RGS17: variants seen among roughly 807,000 people sequenced by gnomAD.
RGS17 encodes regulator of G protein signaling 17, also known as regulator of G-protein signaling 17.
A neutral mutation model predicts 25.5 loss-of-function variants in RGS17; 12 were observed. The observed-to-expected ratio is 0.47, with a 90% confidence interval of 0.30 to 0.76. RGS17 has a LOEUF of 0.76. Among genes scored for constraint, RGS17 ranks in the 30% least tolerant of loss-of-function variants. The pLI is 0.07. For missense variants in RGS17, 196 were observed against 242.2 expected (o/e 0.81, Z 1.27); for synonymous variants, 71 against 76.9 (o/e 0.92, Z 0.40).
At chr6:153,071,664 C>T (rs540348071) in intron 1 of RGS17, among the ~76,000 whole-genome samples, 20 of 152,216 alleles carry the variant, frequency 1.3e-4, no homozygotes, top group African/African-American at 4.3e-4. Flanking sequence ...CAATTTCTGT[C>T]TTTGTTATTG....
chr6:153,065,450 T>G (rs1562324651), intron 1 of RGS17, among the ~76,000 whole-genome samples: 1 of 152,140 alleles, frequency 6.6e-6, no homozygotes, highest in African/African-American at 2.4e-5. Context: ...CCAAACAGAC[T>G]TAACAGATAT....
intron 1 of RGS17, among the ~76,000 whole-genome samples, chr6:153,055,257 G>GA (rs1238048765): frequency 1.3e-5 from 2 of 151,940 alleles, no homozygotes; most frequent in Admixed American, 1.3e-4. Flanking sequence ...ATACAGAAGG[G>GA]AAAAATCTGT....
Position 153,007,027 on chromosome 6 carries a change from A to G in RGS17, c.*4547T>C, listed in dbSNP as rs1228049719. The G allele has an allele frequency of 6.6e-6, 1 of 152,208 alleles. No homozygotes were observed. Among genetic ancestry groups the G allele is most frequent in the African/African-American group, 2.4e-5 (1 of 41,456 alleles). 9.4% of individuals were successfully genotyped at this position (152,208 alleles called of 1,614,324 possible). A position where few individuals can be genotyped will look rare whatever the true frequency, so the allele number is the denominator to read the frequency against. On this transcript the variant is annotated 3_prime_UTR_variant, in exon 5 of 5. Transcript: ENST00000206262. ...GGGACCTTCTATCACCTAGGGCAAC[A>G]TTTTGCCTTTTGTAGTGTTTTCAGT...
At chr6:153,087,700 G>C (rs896088033) in intron 1 of RGS17, among the ~76,000 whole-genome samples, 2 of 152,122 alleles carry the variant, frequency 1.3e-5, no homozygotes, top group East Asian at 3.9e-4. Context: ...GTGTGTAGGA[G>C]GCAGATAATG....
chr6:153,017,779 A>T (rs1249635715), intron 4 of RGS17, among the ~76,000 whole-genome samples: 1 of 152,090 alleles, frequency 6.6e-6, no homozygotes, highest in Non-Finnish European at 1.5e-5. Flanking sequence ...CTGTTACTGA[A>T]GTTGCTTTAT....
In RGS17 at chr6:153,028,878, G is replaced by A. The variant is rs193210086; in HGVS notation, c.120-2335C>T. ...TTCTACAGAAGGCAGTACACATGAC[G>A]CAGGTATACTTCATTTCATTAAACA... On this transcript the variant is annotated intron_variant, in intron 2 of 4. Coordinates refer to ENST00000206262, the MANE Select transcript of RGS17 (RefSeq NM_012419.5). Among the ~76,000 whole-genome samples, 194 of 152,200 alleles carry A rather than the reference G, an allele frequency of 1.3e-3. 2 individuals carry two copies. The highest frequency in any genetic ancestry group is 3.1e-3 in the Admixed American group (48 of 15,290).
At position 153,044,020 on chromosome 6, in the gene RGS17, TC is replaced by T; in HGVS notation, c.-3del. On this transcript the variant is annotated 5_prime_UTR_variant, in exon 2 of 5. Coordinates refer to ENST00000206262, the MANE Select transcript of RGS17 (RefSeq NM_012419.5). ...TTGGGACTGCTGCCTTTTTCGCATT[TC>T]AGCTACTTCAGGACCCAGTTGGCTG... 1 of 1,587,728 alleles carries T rather than the reference TC, an allele frequency of 6.3e-7. No individual in the cohort carries two copies. Among genetic ancestry groups the T allele is most frequent in the Non-Finnish European group, 8.6e-7 (1 of 1,157,330 alleles).
rs113040742 is a variant in RGS17, at chr6:153,005,456, C to T, written c.*6118G>A. The T allele has an allele frequency of 3.5e-4, 53 of 152,246 alleles. No homozygotes were observed. Among genetic ancestry groups the T allele is most frequent in the African/African-American group, 1.3e-3 (53 of 41,556 alleles). The allele number at this position is 152,246 out of a possible 1,614,324, so 9.4% of individuals were successfully genotyped here. On this transcript the variant is annotated 3_prime_UTR_variant, in exon 5 of 5. Transcript: ENST00000206262. Reference sequence around the variant, plus strand: ...ACCTTCAATATAATCTCTTTAAAAACGCATTACTTTACAGTGGAGAAATAT... The same window carrying T: ...ACCTTCAATATAATCTCTTTAAAAATGCATTACTTTACAGTGGAGAAATAT...
chr6:153,083,012 G>C (rs866594897), intron 1 of RGS17, among the ~76,000 whole-genome samples: 2 of 152,122 alleles, frequency 1.3e-5, no homozygotes, highest in African/African-American at 4.8e-5. Flanking sequence ...TCTGCCTACT[G>C]TAAGACCTGG....
chr6:153,095,093 G>A (rs1403739855), intron 1 of RGS17, among the ~76,000 whole-genome samples: 4 of 152,090 alleles, frequency 2.6e-5, no homozygotes, highest in African/African-American at 4.8e-5. Flanking sequence ...TTCTGAAAGA[G>A]TCATGTTTTT....
intron 2 of RGS17, among the ~76,000 whole-genome samples, chr6:153,042,423 T>C (rs1776333880): frequency 6.6e-6 from 1 of 152,210 alleles, no homozygotes; most frequent in Non-Finnish European, 1.5e-5. Flanking sequence ...TGACGAGATC[T>C]GATGGTTTTA....
chr6:153,015,521 C>T (rs960193254), intron 4 of RGS17, among the ~76,000 whole-genome samples: 1 of 152,152 alleles, frequency 6.6e-6, no homozygotes, highest in Non-Finnish European at 1.5e-5. Context: ...TTATGACTTT[C>T]TAAAAGCTCA....
chr6:153,026,693 A>G (rs1779306317), intron 2 of RGS17, 150 bp from the exon 3 acceptor site: 2 of 513,138 alleles, frequency 3.9e-6, no homozygotes, highest in East Asian at 3.1e-5. Flanking sequence ...CCATTTTTAA[A>G]TGATGGGCAA....
At chr6:153,058,309 T>C (rs1203917790) in intron 1 of RGS17, among the ~76,000 whole-genome samples, 2 of 152,182 alleles carry the variant, frequency 1.3e-5, no homozygotes, top group Non-Finnish European at 2.9e-5. Context: ...ATTTCACTTA[T>C]ATGGTGGGAT....
chr6:153,024,564 G>A (rs1304614262), intron 3 of RGS17, 68 bp from the exon 4 acceptor site: 13 of 1,130,928 alleles, frequency 1.1e-5, no homozygotes, highest in Non-Finnish European at 1.7e-5. Context: ...ACCAGGTAAG[G>A]AGAGGAGCAG....
chr6:153,074,497 A>G (rs1399476579), intron 1 of RGS17, among the ~76,000 whole-genome samples: 1 of 152,204 alleles, frequency 6.6e-6, no homozygotes. Flanking sequence ...TCCTCACTAC[A>G]AAACTCCCTG....
chr6:153,036,804 T>A (rs965969719), intron 2 of RGS17, among the ~76,000 whole-genome samples: 8 of 152,148 alleles, frequency 5.3e-5, no homozygotes, highest in Non-Finnish European at 1.0e-4. Context: ...CTTCTCTCCA[T>A]CCCTTTTATT....
intron 2 of RGS17, among the ~76,000 whole-genome samples, chr6:153,036,374 C>A (rs953133223): frequency 2.6e-5 from 4 of 152,204 alleles, no homozygotes; most frequent in African/African-American, 9.6e-5. Flanking sequence ...TTTTGCATGT[C>A]ATTTCTCACA....
intron 1 of RGS17, among the ~76,000 whole-genome samples, chr6:153,126,416 C>T (rs1160209731): frequency 6.9e-6 from 1 of 144,776 alleles, no homozygotes; most frequent in African/African-American, 2.5e-5. Context: ...AACCCCAATG[C>T]CCTGGCTGAT....
Sources: gnomAD v4.1 joint callset for allele counts (sites outside exome capture counted in the v4.1 genomes callset) on GRCh38, gnomAD v4.1.1 for gene constraint, MANE v1.5 for transcripts, NCBI Gene and HGNC (gene_info 2026-07-23, HGNC 2026-07-21) for gene names.